HIVEP3: variants seen among roughly 807,000 people sequenced by gnomAD.
HIVEP3 encodes the protein transcription factor HIVEP3.
HIVEP3 carries 49 observed loss-of-function variants against 152.8 expected under a neutral mutation model. The ratio of observed to expected loss-of-function variants is 0.32; its 90% confidence interval spans 0.26 to 0.41. The LOEUF (loss-of-function observed/expected upper bound fraction) is 0.41, where lower values mean the gene tolerates loss of function less well. Ranked by LOEUF, HIVEP3 falls within the 10% of genes least tolerant of loss-of-function variation. HIVEP3 has a pLI of 1.00. For synonymous variants in HIVEP3, 1,269 were observed against 1,289.0 expected, an observed-to-expected ratio of 0.98 and a Z score of 0.33; for missense variants, 2,790 against 3,103.3, an observed-to-expected ratio of 0.90 and a Z score of 2.40.
intron 1 of HIVEP3, among the ~76,000 whole-genome samples, chr1:41,778,701 G>A (rs2124278336): frequency 6.6e-6 from 1 of 152,252 alleles, no homozygotes; most frequent in South Asian, 2.1e-4. Flanking sequence ...AAATCCCAGG[G>A]AGTAAAACAG....
chr1:41,793,730 C>A lies in HIVEP3; in HGVS notation c.-800-92735G>T, dbSNP rs532505443. Reference sequence around the variant, plus strand: ...GAAGGACTCAGAATTTTTACTATGTCAGCCACAGGTACTGTGACTTGCCCA... The same window carrying A: ...GAAGGACTCAGAATTTTTACTATGTAAGCCACAGGTACTGTGACTTGCCCA... On this transcript the variant is annotated intron_variant, in intron 1 of 8. Coordinates refer to ENST00000372583, the MANE Select transcript of HIVEP3 (RefSeq NM_024503.5). Among the ~76,000 whole-genome samples the A allele has an allele frequency of 9.2e-5, 14 of 152,324 alleles. No individual in the cohort carries two copies. In the South Asian group the frequency reaches 2.9e-3, roughly 32 times the overall value.
intron 1 of HIVEP3, among the ~76,000 whole-genome samples, chr1:41,850,713 A>C (rs557195322): frequency 2.6e-5 from 4 of 152,332 alleles, no homozygotes; most frequent in African/African-American, 9.6e-5. Flanking sequence ...TCCAAGTTCA[A>C]CTGTGAGTCC....
chr1:41,698,374 C>T (rs969120143), intron 2 of HIVEP3, among the ~76,000 whole-genome samples: 2 of 152,156 alleles, frequency 1.3e-5, no homozygotes, highest in Admixed American at 1.3e-4. Flanking sequence ...GATGTTATAA[C>T]ATCACCAGGT....
In HIVEP3 at chr1:41,533,715, C is replaced by T. The variant is rs1220664601; in HGVS notation, c.5208-8805G>A. On this transcript the variant is annotated intron_variant, in intron 5 of 8. Transcript: ENST00000372583. The surrounding 1 kb of genome is among the most constrained non-coding windows in gnomAD (Gnocchi z 4.3). The stretch of plus-strand genomic sequence containing the variant: ...CACCCTTTCCCATGCCGACATGGCC[C>T]CTGCCAGCCTCCGACCTGCACTCTT... Among the ~76,000 whole-genome samples, 1 of 151,954 alleles carries T rather than the reference C, an allele frequency of 6.6e-6. No individual in the cohort carries two copies. Among genetic ancestry groups the T allele is most frequent in the African/African-American group, 2.4e-5 (1 of 41,370 alleles).
chr1:41,643,704 G>C (rs1315741924), intron 2 of HIVEP3, among the ~76,000 whole-genome samples: 1 of 152,132 alleles, frequency 6.6e-6, no homozygotes, highest in Non-Finnish European at 1.5e-5. Context: ...GCTTGCCCTG[G>C]TGTTAGCTAC....
intron 1 of HIVEP3, among the ~76,000 whole-genome samples, chr1:41,983,287 A>G (rs903457324): frequency 9.8e-5 from 15 of 152,372 alleles, no homozygotes; most frequent in African/African-American, 3.1e-4. Flanking sequence ...ATCAAAAATT[A>G]CTTACAGCAA....
intron 5 of HIVEP3, among the ~76,000 whole-genome samples, chr1:41,536,641 C>T (rs989721091): frequency 3.9e-5 from 6 of 151,906 alleles, no homozygotes; most frequent in Non-Finnish European, 7.4e-5. Flanking sequence ...CCTGTCCTGC[C>T]AAATGTCACA....
At chr1:41,988,902 T>A (rs771543148) in intron 1 of HIVEP3, among the ~76,000 whole-genome samples, 1 of 152,196 alleles carries the variant, frequency 6.6e-6, no homozygotes, top group Admixed American at 6.5e-5. Flanking sequence ...AATAAGGAAA[T>A]CCTATCATTT....
intron 3 of HIVEP3, among the ~76,000 whole-genome samples, chr1:41,605,008 G>A (rs1455249101): frequency 1.3e-5 from 2 of 151,538 alleles, no homozygotes; most frequent in Non-Finnish European, 2.9e-5. Context: ...GGGAGGTGGA[G>A]GTGGGAGGAT....
chr1:42,029,253 C>T (rs1284728667), intron 1 of HIVEP3, among the ~76,000 whole-genome samples: 3 of 152,140 alleles, frequency 2.0e-5, no homozygotes, highest in African/African-American at 7.2e-5. Context: ...CAGCACCTGC[C>T]CCCATCTTCT....
At chr1:41,889,794 G>A (rs1644418796) in intron 1 of HIVEP3, among the ~76,000 whole-genome samples, 1 of 152,176 alleles carries the variant, frequency 6.6e-6, no homozygotes, top group South Asian at 2.1e-4. Flanking sequence ...ACACTCCCAA[G>A]GTGATGGCTC....
At chr1:42,031,844 T>A (rs1390654723) in intron 1 of HIVEP3, among the ~76,000 whole-genome samples, 1 of 152,124 alleles carries the variant, frequency 6.6e-6, no homozygotes, top group Non-Finnish European at 1.5e-5. Context: ...AAGAGTAAAA[T>A]TAATTTAAAA....
At chr1:41,552,239 T>C (rs1291324949) in intron 5 of HIVEP3, among the ~76,000 whole-genome samples, 1 of 152,102 alleles carries the variant, frequency 6.6e-6, no homozygotes. Flanking sequence ...TACTATACTT[T>C]AAGTTTTAGG....
At chr1:41,732,956 A>AC (rs1317966509) in intron 1 of HIVEP3, among the ~76,000 whole-genome samples, 1 of 152,104 alleles carries the variant, frequency 6.6e-6, no homozygotes, top group Non-Finnish European at 1.5e-5. Context: ...TGTCCCTAGG[A>AC]CCCAGCCCTG....
chr1:41,637,166 T>TC (rs1645287799), intron 2 of HIVEP3, among the ~76,000 whole-genome samples: 1 of 151,814 alleles, frequency 6.6e-6, no homozygotes, highest in South Asian at 2.1e-4. Flanking sequence ...ACACACATCA[T>TC]CATACACAAA....
Position 41,644,482 on chromosome 1 carries a change from T to G in HIVEP3, c.-720-15535A>C, listed in dbSNP as rs544027012. 1.1e-4 allele frequency among the ~76,000 whole-genome samples: 16 copies of G among 152,278 alleles called. No homozygotes were observed. In the South Asian group the frequency reaches 2.7e-3, roughly 26 times the overall value. On this transcript the variant is annotated intron_variant, in intron 2 of 8. Transcript: ENST00000372583. ...TTTAACTCCCTGTCAGGAGGTTGAT[T>G]TCTTTACCAGCCAGAATAATTCTTT...
At chr1:41,768,969 T>G (rs898446972) in intron 1 of HIVEP3, among the ~76,000 whole-genome samples, 1 of 151,920 alleles carries the variant, frequency 6.6e-6, no homozygotes, top group Non-Finnish European at 1.5e-5. Context: ...CAGAAAAGAG[T>G]GGCCTTGTGA....
chr1:41,909,970 C>G (rs1406600378), intron 1 of HIVEP3, among the ~76,000 whole-genome samples: 1 of 151,752 alleles, frequency 6.6e-6, no homozygotes, highest in Admixed American at 6.6e-5. Context: ...GTATAGCTTA[C>G]AATGCTCATA....
At chr1:41,535,195 G>T (rs543900315) in intron 5 of HIVEP3, among the ~76,000 whole-genome samples, 3 of 152,278 alleles carry the variant, frequency 2.0e-5, no homozygotes, top group South Asian at 2.1e-4. Flanking sequence ...CCAAGGTTTT[G>T]TTAGCATCTT....
Sources: gnomAD v4.1 joint callset for allele counts (sites outside exome capture counted in the v4.1 genomes callset) on GRCh38, gnomAD v4.1.1 for gene constraint, Gnocchi (gnomAD v3.1) non-coding constraint, MANE v1.5 for transcripts, NCBI Gene and HGNC (gene_info 2026-07-23, HGNC 2026-07-21) for gene names.